ANAPC1: variants seen among roughly 807,000 people sequenced by gnomAD.
ANAPC1 encodes the protein anaphase-promoting complex subunit 1.
Under a neutral mutation model 208.0 loss-of-function variants are expected in ANAPC1, and 36 were observed. The observed-to-expected ratio is 0.17, with a 90% CI of 0.13 to 0.23. The LOEUF is 0.23. Among genes scored for constraint, ANAPC1 ranks in the 10% least tolerant of loss-of-function variants. The pLI is 1.00. For synonymous variants in ANAPC1, 378 were observed against 695.2 expected (o/e 0.54, Z 7.18); for missense variants, 942 against 2,011.6 (o/e 0.47, Z 10.17).
At position 111,821,248 on chromosome 2, in the gene ANAPC1, TTTTCCTCGA is replaced by T; in HGVS notation, c.3188_3196del (p.Ile1063_Glu1065del). 1 of 1,609,902 alleles carries T rather than the reference TTTTCCTCGA, an allele frequency of 6.2e-7. No individual in the cohort carries two copies. Among genetic ancestry groups the T allele is most frequent in the Non-Finnish European group, 8.5e-7 (1 of 1,177,960 alleles). ...ACGTGTTTTCTTTCACCTGTTTTCCTTTTCCTCGATGAACTCGTGGTCACTGAGCTCTGG... is the reference window on the plus strand; with the variant it reads ...ACGTGTTTTCTTTCACCTGTTTTCCTTGAACTCGTGGTCACTGAGCTCTGG... On this transcript the variant is annotated inframe_deletion, in exon 26 of 48. Transcript: ENST00000341068.
chr2:111,837,324 T>A (rs1196025756), intron 18 of ANAPC1, among the ~76,000 whole-genome samples: 1 of 152,194 alleles, frequency 6.6e-6, no homozygotes, highest in Non-Finnish European at 1.5e-5. Flanking sequence ...TAAAGCTGAT[T>A]AAAAACAGCA....
chr2:111,767,222 C>A (rs1676494208), downstream of ANAPC1, among the ~76,000 whole-genome samples: 2 of 150,776 alleles, frequency 1.3e-5, no homozygotes, highest in Admixed American at 1.3e-4. Context: ...GTCCTGGGCA[C>A]ATGAGGTAGA....
In ANAPC1 at chr2:111,782,190, T is replaced by C. The variant is rs1677321189; in HGVS notation, c.5202+179A>G. On this transcript the variant is annotated intron_variant, in intron 43 of 47. Coordinates refer to ENST00000341068, the MANE Select transcript of ANAPC1 (RefSeq NM_022662.4). Reference sequence around the variant, plus strand: ...TATTACTTATTATATACAGATTTTATATTCATTATATTTTATTATTTATTT... The same window carrying C: ...TATTACTTATTATATACAGATTTTACATTCATTATATTTTATTATTTATTT... 6.7e-6 allele frequency among the ~76,000 whole-genome samples: 1 copy of C among 149,482 alleles called. No individual in the cohort carries two copies. Among genetic ancestry groups the C allele is most frequent in the East Asian group, 1.9e-4 (1 of 5,184 alleles).
intron 3 of ANAPC1, among the ~76,000 whole-genome samples, chr2:111,877,469 A>G (rs1390005823): frequency 6.6e-6 from 1 of 152,198 alleles, no homozygotes; most frequent in Non-Finnish European, 1.5e-5. Context: ...AATCCCCATC[A>G]GCCAGTTTTA....
intron 25 of ANAPC1, 190 bp from the exon 26 acceptor site, chr2:111,821,643 A>G: frequency 3.6e-6 from 2 of 549,642 alleles, no homozygotes; most frequent in Admixed American, 3.1e-5. Context: ...AAAAAGTACT[A>G]TATTGCTGGC....
chr2:111,880,017 A>T (rs1683215267), intron 2 of ANAPC1, among the ~76,000 whole-genome samples: 1 of 152,180 alleles, frequency 6.6e-6, no homozygotes, highest in Non-Finnish European at 1.5e-5. Flanking sequence ...CCCACATATT[A>T]AGTGAAAAGA....
chr2:111,881,907 G>T lies in ANAPC1; in HGVS notation c.-24-1058C>A, dbSNP rs184593397. 8.5e-5 allele frequency among the ~76,000 whole-genome samples: 13 copies of T among 152,272 alleles called. No homozygotes were observed. In the East Asian group the frequency reaches 2.5e-3, roughly 29 times the overall value. The stretch of plus-strand genomic sequence containing the variant: ...ACCCTCTCTTTAAAACCTCTGGACC[G>T]GGTGCGGTGGCTCACGCCTATAATC... On this transcript the variant is annotated intron_variant, in intron 1 of 47. Transcript: ENST00000341068.
intron 29 of ANAPC1, 37 bp downstream of exon 29, chr2:111,808,910 A>T (rs1678835498): frequency 7.7e-7 from 1 of 1,293,142 alleles, no homozygotes; most frequent in South Asian, 1.2e-5. Context: ...AGTGGAGAGT[A>T]CATGCCTATG....
intron 3 of ANAPC1, among the ~76,000 whole-genome samples, chr2:111,874,961 G>A (rs1223615981): frequency 6.6e-6 from 1 of 152,042 alleles, no homozygotes; most frequent in African/African-American, 2.4e-5. Context: ...TGGGAGTACA[G>A]GCATGCACCA....
chr2:111,768,664 T>C lies in ANAPC1; in HGVS notation c.*627A>G, dbSNP rs1676557130. ...ACCTCACTTAACCTTAGTAATCTCC[T>C]ATATGCCCTATTGCCTAATACAGTC... On this transcript the variant is annotated 3_prime_UTR_variant, in exon 48 of 48. Transcript: ENST00000341068. 1 of 148,148 alleles carries C rather than the reference T, an allele frequency of 6.8e-6. No homozygotes were observed. Among genetic ancestry groups the C allele is most frequent in the Admixed American group, 6.8e-5 (1 of 14,726 alleles). 9.2% of individuals were successfully genotyped at this position (148,148 alleles called of 1,614,324 possible). A position where few individuals can be genotyped will look rare whatever the true frequency, so the allele number is the denominator to read the frequency against.
intron 6 of ANAPC1, among the ~76,000 whole-genome samples, chr2:111,871,417 T>C (rs1682738581): frequency 6.6e-6 from 1 of 152,190 alleles, no homozygotes; most frequent in Admixed American, 6.5e-5. Flanking sequence ...AGCATATTCA[T>C]AGGTTTTTGT....
In ANAPC1 at chr2:111,833,207, CACG is replaced by C. The variant is rs1215359699; in HGVS notation, c.2476+10_2476+12del. ...ACACTGTTTAGAAAATATTTAAAAG[CACG>C]ACTACTTACCTGGATCAATTGTGCA... On this transcript the variant is annotated intron_variant, in intron 20 of 47. Transcript: ENST00000341068. The C allele has an allele frequency of 6.4e-7, 1 of 1,574,358 alleles. No individual in the cohort carries two copies. Among genetic ancestry groups the C allele is most frequent in the African/African-American group, 1.3e-5 (1 of 74,184 alleles).
intron 3 of ANAPC1, among the ~76,000 whole-genome samples, chr2:111,877,962 T>C (rs897705829): frequency 5.3e-5 from 8 of 152,226 alleles, no homozygotes; most frequent in African/African-American, 1.9e-4. Flanking sequence ...GATGACATCA[T>C]GTACTTCATT....
intron 6 of ANAPC1, among the ~76,000 whole-genome samples, chr2:111,869,899 T>A (rs1014707157): frequency 6.6e-6 from 1 of 152,120 alleles, no homozygotes; most frequent in African/African-American, 2.4e-5. Flanking sequence ...CCAAAGTCCA[T>A]CATAACACTC....
chr2:111,772,180 GT>G (rs1212766517), intron 47 of ANAPC1, among the ~76,000 whole-genome samples, 160 bp downstream of exon 47: 1 of 148,128 alleles, frequency 6.8e-6, no homozygotes, highest in Non-Finnish European at 1.5e-5. Flanking sequence ...CATATATAAA[GT>G]TGATAATTTT....
At chr2:111,779,842 T>A in intron 44 of ANAPC1, 1 of 233,446 alleles carries the variant, frequency 4.3e-6, no homozygotes, top group Non-Finnish European at 8.4e-6. Flanking sequence ...ACCGACCCTG[T>A]CTCAAAAAAC....
At chr2:111,807,280 A>T (rs1678728451) in intron 29 of ANAPC1, among the ~76,000 whole-genome samples, 1 of 138,406 alleles carries the variant, frequency 7.2e-6, no homozygotes, top group Non-Finnish European at 1.5e-5. Context: ...ACAACAAAGG[A>T]TTATTAGAAA....
chr2:111,875,136 A>G (rs1265861035), intron 3 of ANAPC1, among the ~76,000 whole-genome samples: 2 of 152,176 alleles, frequency 1.3e-5, no homozygotes, highest in Admixed American at 1.3e-4. Flanking sequence ...GTGGTATCTC[A>G]TTGTGGTTGT....
intron 34 of ANAPC1, among the ~76,000 whole-genome samples, chr2:111,800,399 T>C (rs1476997475): frequency 1.5e-5 from 2 of 135,266 alleles, no homozygotes; most frequent in Non-Finnish European, 3.2e-5. Flanking sequence ...ATAAATATGA[T>C]ATAAAGTAAT....
Sources: gnomAD v4.1 joint callset for allele counts (sites outside exome capture counted in the v4.1 genomes callset) on GRCh38, gnomAD v4.1.1 for gene constraint, MANE v1.5 for transcripts, NCBI Gene and HGNC (gene_info 2026-07-23, HGNC 2026-07-21) for gene names.